Variants in PLEKHA6 observed in about 807,000 individuals in gnomAD.
PLEKHA6 encodes pleckstrin homology domain containing A6.
In PLEKHA6, 60 loss-of-function variants were observed where a neutral mutation model predicts 116.7. The observed-to-expected ratio is 0.51, with a 90% CI of 0.42 to 0.64. PLEKHA6 has a LOEUF of 0.64. PLEKHA6 is among the 30% of genes least tolerant of loss of function. The probability of loss-of-function intolerance (pLI) is 0.00; values close to 1 mark genes in which losing one functional copy is unlikely to be tolerated. For synonymous variants in PLEKHA6, 489 were observed against 556.1 expected, an observed-to-expected ratio of 0.88 and a Z score of 1.70; for missense variants, 1,338 against 1,422.7, an observed-to-expected ratio of 0.94 and a Z score of 0.96.
rs1158247613 is a variant in PLEKHA6, at chr1:204,228,486, C to T, written c.2885+242G>A. Among the ~76,000 whole-genome samples, 1 of 151,970 alleles carries T rather than the reference C, an allele frequency of 6.6e-6. No homozygotes were observed. The highest frequency in any genetic ancestry group is 1.5e-5 in the Non-Finnish European group (1 of 67,964). ...AGCCTTGAAGGGGAAAAGAAGTCAC[C>T]AGAGGGCGAGCCTTCAGTTTTGTCT... On this transcript the variant is annotated intron_variant, in intron 20 of 22. Transcript: ENST00000272203. This position sits in a 1 kb window ranked among gnomAD's most constrained non-coding sequence, Gnocchi z 4.0.
chr1:204,257,370 A>T lies in PLEKHA6; in HGVS notation c.1507T>A (p.Ser503Thr), dbSNP rs759501989. 6.4e-7 allele frequency: 1 copy of T among 1,562,318 alleles called. No individual in the cohort carries two copies. The highest frequency in any genetic ancestry group is 8.7e-7 in the Non-Finnish European group (1 of 1,152,786). The stretch of plus-strand genomic sequence containing the variant: ...TGGCTCACCTTGGGGGAGCTGATGG[A>T]TCGCCTCATCACATAGGCAGCAGGG... Reference protein sequence around the residue: ...ADPAAYVMRRSISSPKVPPYP... With the variant: ...ADPAAYVMRRTISSPKVPPYP... The change falls in exon 9 of 23, where the codon TCC becomes ACC. Residue 503 changes from serine (S) to threonine (T), a missense_variant. Physicochemically the swap from Ser to Thr is moderately conservative, Grantham distance 58. Coordinates refer to ENST00000272203, the MANE Select transcript of PLEKHA6 (RefSeq NM_014935.5). This position sits in a 1 kb window ranked among gnomAD's most constrained non-coding sequence, Gnocchi z 6.5.
At chr1:204,252,542 G>C (rs1366082064) in intron 9 of PLEKHA6, among the ~76,000 whole-genome samples, 4 of 152,138 alleles carry the variant, frequency 2.6e-5, no homozygotes, top group African/African-American at 9.7e-5. Context: ...GTTGTGCAGG[G>C]AAAGCTTTCT....
intron 1 of PLEKHA6, chr1:204,299,456 G>C (rs141194531): frequency 1.3e-5 from 2 of 158,876 alleles, no homozygotes; most frequent in African/African-American, 4.8e-5. Flanking sequence ...CAGAAGTGGG[G>C]TGTGTCATAT....
intron 1 of PLEKHA6, among the ~76,000 whole-genome samples, chr1:204,351,218 C>A (rs555060980): frequency 6.6e-6 from 1 of 152,286 alleles, no homozygotes; most frequent in South Asian, 2.1e-4. Flanking sequence ...GGGAGGTGGC[C>A]TACGTGCCTG....
At chr1:204,236,620 G>A (rs529434409) in intron 17 of PLEKHA6, among the ~76,000 whole-genome samples, 15 of 152,252 alleles carry the variant, frequency 9.9e-5, no homozygotes, top group African/African-American at 3.4e-4. Flanking sequence ...ACCATCAAAG[G>A]CAAGGTGGGT....
intron 1 of PLEKHA6, among the ~76,000 whole-genome samples, chr1:204,351,435 A>C (rs1055531909): frequency 6.6e-6 from 1 of 152,180 alleles, no homozygotes. Flanking sequence ...GCCAGCTGTC[A>C]TTCAGCCTAA....
intron 1 of PLEKHA6, among the ~76,000 whole-genome samples, chr1:204,293,455 C>T (rs943355002): frequency 8.6e-5 from 13 of 151,990 alleles, no homozygotes; most frequent in African/African-American, 3.1e-4. Context: ...TATTTTAACG[C>T]GATATTTTTG....
chr1:204,359,738 C>A lies in PLEKHA6; in HGVS notation c.-139G>T. ...CCCGCGCTGGAAAGCTCTAACTCTG[C>A]GAGCCCCAAGGCACCCCTCCCCCCA... On this transcript the variant is annotated 5_prime_UTR_variant, in exon 1 of 23. Transcript: ENST00000272203. 3.1e-6 allele frequency: 3 copies of A among 972,400 alleles called. No homozygotes were observed. Among genetic ancestry groups the A allele is most frequent in the Non-Finnish European group, 3.7e-6 (3 of 817,982 alleles). The allele number at this position is 972,400 out of a possible 1,614,324, so 60.2% of individuals were successfully genotyped here. A position where few individuals can be genotyped will look rare whatever the true frequency, so the allele number is the denominator to read the frequency against.
chr1:204,267,020 A>G (rs540392264), intron 5 of PLEKHA6, among the ~76,000 whole-genome samples: 5 of 152,320 alleles, frequency 3.3e-5, no homozygotes, highest in African/African-American at 7.2e-5. Context: ...GGTGCTGTGG[A>G]TACAGCAGTG....
chr1:204,370,125 T>C (rs915517510), intron 2 of PLEKHA6, among the ~76,000 whole-genome samples: 5 of 152,240 alleles, frequency 3.3e-5, no homozygotes, highest in Admixed American at 6.5e-5. Context: ...CCTTTAACCA[T>C]GACACCACTT....
chr1:204,297,962 G>A (rs1670449391), intron 1 of PLEKHA6: 1 of 921,298 alleles, frequency 1.1e-6, no homozygotes, highest in Non-Finnish European at 1.3e-6. Flanking sequence ...TCTCCCCATT[G>A]ACTTGCCTGA....
At chr1:204,349,153 C>T (rs572203128) in intron 1 of PLEKHA6, among the ~76,000 whole-genome samples, 11 of 152,332 alleles carry the variant, frequency 7.2e-5, no homozygotes, top group Admixed American at 5.9e-4. Context: ...GAGTTCCGGG[C>T]CTGGCTCCAG....
At chr1:204,363,711 C>T (rs1673602092), upstream of PLEKHA6, among the ~76,000 whole-genome samples, 2 of 152,136 alleles carry the variant, frequency 1.3e-5, no homozygotes, top group Admixed American at 1.3e-4. Context: ...ACCAGACCCA[C>T]TATGGCTGGG....
chr1:204,346,229 G>A (rs1673039776), intron 1 of PLEKHA6, among the ~76,000 whole-genome samples: 1 of 152,174 alleles, frequency 6.6e-6, no homozygotes, highest in Non-Finnish European at 1.5e-5. Context: ...TCTAAGCCCT[G>A]CCTCAGCTGC....
chr1:204,268,005 C>T (rs1398369178), intron 4 of PLEKHA6, among the ~76,000 whole-genome samples: 1 of 152,120 alleles, frequency 6.6e-6, no homozygotes, highest in African/African-American at 2.4e-5. Flanking sequence ...GGGCTGGGTT[C>T]CCAAGTTTGA....
intron 10 of PLEKHA6, 22 bp downstream of exon 10, chr1:204,250,524 G>T: frequency 6.3e-7 from 1 of 1,582,972 alleles, no homozygotes; most frequent in Non-Finnish European, 8.7e-7. Context: ...TGGAGGGAGG[G>T]AGCAGGGGGC....
In PLEKHA6 at chr1:204,259,466, C is replaced by A; in HGVS notation, c.799G>T (p.Ala267Ser). 2.8e-5 allele frequency: 45 copies of A among 1,614,164 alleles called. No homozygotes were observed. The highest frequency in any genetic ancestry group is 3.8e-5 in the Non-Finnish European group (45 of 1,180,004). ...TGGTACTGCCAGCCATTGGGCTGGG[C>A]AGGCTGTTCCCCACCCCCTGGCACT... The part of the protein sequence containing the change: ...PRVPGGGEQP[A>S]QPNGWQYHSP... The change falls in exon 8 of 23, where the codon GCC (alanine) becomes TCC (serine). Residue 267 changes from alanine (A) to serine (S), a missense_variant. By Grantham distance (99) the Ala-to-Ser change is moderately conservative (BLOSUM62 1). Around this residue, in one of 3 missense-constraint regions of PLEKHA6, gnomAD observed 1,136 missense variants for 1,163.6 expected, o/e 0.98. Transcript: ENST00000272203. This position sits in a 1 kb window ranked among gnomAD's most constrained non-coding sequence, Gnocchi z 4.6.
intron 15 of PLEKHA6, among the ~76,000 whole-genome samples, chr1:204,243,419 G>A (rs1663139445): frequency 6.6e-6 from 1 of 152,156 alleles, no homozygotes; most frequent in South Asian, 2.1e-4. Context: ...TGAAGAGAGT[G>A]CCAGCTCTGA....
intron 1 of PLEKHA6, among the ~76,000 whole-genome samples, chr1:204,340,078 C>CA (rs1313887991): frequency 2.0e-5 from 3 of 151,932 alleles, no homozygotes; most frequent in Non-Finnish European, 4.4e-5. Flanking sequence ...CCTCACAAAT[C>CA]AAAAAAATGG....
Sources: allele counts gnomAD v4.1 joint callset (sites outside exome capture counted in the v4.1 genomes callset), GRCh38; gene constraint gnomAD v4.1.1; regional missense constraint gnomAD v4.1.1; non-coding constraint Gnocchi (gnomAD v3.1); transcripts MANE v1.5; gene names NCBI Gene and HGNC (gene_info 2026-07-23, HGNC 2026-07-21).